SLC71A2: variants seen among roughly 807,000 people sequenced by gnomAD.
SLC71A2 encodes hippocampus abundant transcript-like 1.
chr9:94,434,506 G>A, the SLC71A2 span, among the ~76,000 whole-genome samples: 2 of 152,058 alleles, frequency 1.3e-5, no homozygotes, highest in Admixed American at 1.3e-4. Flanking sequence ...TAGTAGAGAC[G>A]GGGTTTCACC....
chr9:94,429,975 CG>C, the SLC71A2 span, among the ~76,000 whole-genome samples: 1 of 144,328 alleles, frequency 6.9e-6, no homozygotes, highest in African/African-American at 2.6e-5. Flanking sequence ...GGTGAGATCT[CG>C]GCTCACTGCA....
the SLC71A2 span, among the ~76,000 whole-genome samples, chr9:94,392,421 T>TC: frequency 6.6e-6 from 1 of 152,044 alleles, no homozygotes; most frequent in Non-Finnish European, 1.5e-5. Context: ...ATAGCTGTTG[T>TC]TAAATGTGTG....
the SLC71A2 span, among the ~76,000 whole-genome samples, chr9:94,431,748 G>C: frequency 6.7e-6 from 1 of 149,758 alleles, no homozygotes. Context: ...CTTTAATTTG[G>C]ACCACCCCCA....
At chr9:94,379,341 C>T in the SLC71A2 span, among the ~76,000 whole-genome samples, 2 of 147,548 alleles carry the variant, frequency 1.4e-5, no homozygotes, top group African/African-American at 2.5e-5. Context: ...CTGCCTTGGC[C>T]TCCCAAAGTG....
At chr9:94,424,685 G>A in the SLC71A2 span, among the ~76,000 whole-genome samples, 11 of 147,282 alleles carry the variant, frequency 7.5e-5, no homozygotes, top group African/African-American at 2.8e-4. Context: ...TGATTGCATT[G>A]ACTATAGATT....
At chr9:94,440,758 G>GT in the SLC71A2 span, among the ~76,000 whole-genome samples, 1 of 151,222 alleles carries the variant, frequency 6.6e-6, no homozygotes, top group South Asian at 2.1e-4. Context: ...CTCTTCTTTT[G>GT]TTTTTTTAGG....
At chr9:94,439,542 A>AT in the SLC71A2 span, among the ~76,000 whole-genome samples, 67,821 of 142,598 alleles carry the variant, frequency 0.48, 15,910 homozygotes, top group Admixed American at 0.57. Flanking sequence ...CTATTAATAG[A>AT]TTTTTTTTTT....
the SLC71A2 span, among the ~76,000 whole-genome samples, chr9:94,428,081 C>A: frequency 6.6e-6 from 1 of 151,826 alleles, no homozygotes; most frequent in South Asian, 2.1e-4. Flanking sequence ...TGAGATTGTA[C>A]CACTGCACTC....
At chr9:94,384,391 T>A in the SLC71A2 span, among the ~76,000 whole-genome samples, 3 of 148,762 alleles carry the variant, frequency 2.0e-5, no homozygotes, top group Non-Finnish European at 3.0e-5. Flanking sequence ...CAGGCTGGAG[T>A]GCAGTGGCAT....
the SLC71A2 span, chr9:94,459,455 C>A: frequency 6.2e-7 from 1 of 1,605,186 alleles, no homozygotes; most frequent in Non-Finnish European, 8.5e-7. Context: ...TCTCTGAGAG[C>A]CATGGAGGGA....
the SLC71A2 span, among the ~76,000 whole-genome samples, chr9:94,431,738 C>T: frequency 6.7e-6 from 1 of 150,252 alleles, no homozygotes; most frequent in Non-Finnish European, 1.5e-5. Flanking sequence ...TCTCAATATT[C>T]TTTAATTTGG....
chr9:94,422,821 TAGG>T, the SLC71A2 span, among the ~76,000 whole-genome samples: 1 of 152,246 alleles, frequency 6.6e-6, no homozygotes, highest in Non-Finnish European at 1.5e-5. Flanking sequence ...TTCTTATTTG[TAGG>T]AGTTCTTTAT....
the SLC71A2 span, among the ~76,000 whole-genome samples, chr9:94,442,804 C>T: frequency 8.4e-3 from 1,270 of 151,396 alleles, 6 homozygotes; most frequent in Middle Eastern, 0.027. Flanking sequence ...GAGCCAAGAT[C>T]GCGCCACTAC....
chr9:94,406,965 G>A, the SLC71A2 span, among the ~76,000 whole-genome samples: 1 of 152,366 alleles, frequency 6.6e-6, no homozygotes, highest in Non-Finnish European at 1.5e-5. Context: ...TGGGGAAAGT[G>A]TGCATCTTTG....
At chr9:94,428,632 A>G in the SLC71A2 span, among the ~76,000 whole-genome samples, 2 of 131,546 alleles carry the variant, frequency 1.5e-5, no homozygotes, top group African/African-American at 2.9e-5. Context: ...ATTCCTTTCT[A>G]AAGGGGTACA....
the SLC71A2 span, among the ~76,000 whole-genome samples, chr9:94,409,129 C>CTTTTTTTTTTTTT: frequency 1.9e-4 from 13 of 68,238 alleles, 2 homozygotes; most frequent in African/African-American, 8.2e-4. Context: ...GCCCGGCCTC[C>CTTTTTTTTTTTTT]TTTTTTTTTT....
chr9:94,410,184 C>G, the SLC71A2 span, among the ~76,000 whole-genome samples: 8 of 151,768 alleles, frequency 5.3e-5, no homozygotes, highest in Admixed American at 1.3e-4. Flanking sequence ...TAGCCTTAAA[C>G]TCCTGCACTC....
At chr9:94,384,047 T>G in the SLC71A2 span, among the ~76,000 whole-genome samples, 1 of 152,206 alleles carries the variant, frequency 6.6e-6, no homozygotes, top group African/African-American at 2.4e-5. Context: ...CATTCTTAAG[T>G]GTAGACTTCA....
the SLC71A2 span, among the ~76,000 whole-genome samples, chr9:94,382,367 G>A: frequency 6.6e-6 from 1 of 151,278 alleles, no homozygotes; most frequent in Non-Finnish European, 1.5e-5. Flanking sequence ...TTTTGGCAAA[G>A]TGTCTGTTCT....
Sources: gnomAD v4.1 joint callset for allele counts (sites outside exome capture counted in the v4.1 genomes callset) on GRCh38, gnomAD v4.1.1 for gene constraint, MANE v1.5 for transcripts, NCBI Gene and HGNC (gene_info 2026-07-23, HGNC 2026-07-21) for gene names.